TMEM135: variants seen among roughly 807,000 people sequenced by gnomAD.
TMEM135 encodes the protein transmembrane protein 135, also known as peroxisomal membrane protein 52.
TMEM135 carries 30 observed loss-of-function variants against 60.3 expected under a neutral mutation model. The ratio of observed to expected loss-of-function variants is 0.50; its 90% CI spans 0.37 to 0.68. The LOEUF (loss-of-function observed/expected upper bound fraction) is 0.68, where lower values mean the gene tolerates loss of function less well. Among genes scored for constraint, TMEM135 ranks in the 30% least tolerant of loss-of-function variants. The pLI is 0.00. For missense variants in TMEM135, 468 were observed against 548.8 expected (o/e 0.85, Z 1.47); for synonymous variants, 190 against 186.7 (o/e 1.02, Z -0.14).
At chr11:87,241,244 G>C (rs1305615529) in intron 6 of TMEM135, among the ~76,000 whole-genome samples, 1 of 151,998 alleles carries the variant, frequency 6.6e-6, no homozygotes, top group African/African-American at 2.4e-5. Flanking sequence ...GTATATTAGA[G>C]ATAACTTTAG....
At chr11:87,142,873 C>G (rs529903665) in intron 4 of TMEM135, among the ~76,000 whole-genome samples, 1 of 151,616 alleles carries the variant, frequency 6.6e-6, no homozygotes, top group Non-Finnish European at 1.5e-5. Context: ...CTTCAACATT[C>G]AGAAGGTTTT....
chr11:87,254,967 C>T (rs1031090172), intron 6 of TMEM135, among the ~76,000 whole-genome samples: 4 of 152,124 alleles, frequency 2.6e-5, no homozygotes, highest in Non-Finnish European at 4.4e-5. Flanking sequence ...TAGGGAGACC[C>T]CATCCCTACA....
chr11:87,093,614 A>C (rs1857258583), intron 4 of TMEM135, among the ~76,000 whole-genome samples: 1 of 151,926 alleles, frequency 6.6e-6, no homozygotes, highest in East Asian at 1.9e-4. Context: ...CACTGCAACC[A>C]CTGCCTCCTG....
intron 5 of TMEM135, among the ~76,000 whole-genome samples, chr11:87,201,904 A>AAC (rs1161039938): frequency 6.6e-6 from 1 of 152,228 alleles, no homozygotes; most frequent in South Asian, 2.1e-4. Flanking sequence ...TAAAGATTTA[A>AAC]ACACACACAC....
At chr11:87,222,803 C>CAA (rs1387946312) in intron 5 of TMEM135, among the ~76,000 whole-genome samples, 1 of 143,180 alleles carries the variant, frequency 7.0e-6, no homozygotes, top group African/African-American at 2.6e-5. Context: ...GAAACTGTCT[C>CAA]AAAAAAAAAG....
intron 4 of TMEM135, among the ~76,000 whole-genome samples, chr11:87,105,558 G>A (rs1042261213): frequency 7.9e-5 from 12 of 152,140 alleles, no homozygotes; most frequent in South Asian, 4.2e-4. Flanking sequence ...AACCATCCTC[G>A]CCTCCCAGGG....
chr11:87,295,967 T>A lies in TMEM135; in HGVS notation c.551+144T>A, dbSNP rs532393850. The A allele has an allele frequency of 1.8e-4, 120 of 668,652 alleles. 1 individual carries two copies. The South Asian group carries it at 2.3e-3, about 13-fold the overall frequency. 41.4% of individuals were successfully genotyped at this position (668,652 alleles called of 1,614,324 possible). A position where few individuals can be genotyped will look rare whatever the true frequency, so the allele number is the denominator to read the frequency against. ...ACAAAAGTATTTCCAAGCCTGCGGA[T>A]AAATAGCTCATTGAAAGAGTAATTT... is the stretch of plus-strand genomic sequence containing the variant. On this transcript the variant is annotated intron_variant, in intron 7 of 14. Transcript: ENST00000305494.
chr11:87,069,316 A>G (rs1012420307), intron 2 of TMEM135, among the ~76,000 whole-genome samples: 2 of 151,142 alleles, frequency 1.3e-5, no homozygotes, highest in South Asian at 2.1e-4. Flanking sequence ...AAAGAAGAAG[A>G]AAGTTTCTAT....
intron 4 of TMEM135, among the ~76,000 whole-genome samples, chr11:87,105,212 C>T (rs940228439): frequency 1.3e-5 from 2 of 152,184 alleles, no homozygotes; most frequent in African/African-American, 2.4e-5. Context: ...CAGGGGTCCC[C>T]AAACCCTGGG....
At chr11:87,247,139 T>C (rs1464884198) in intron 6 of TMEM135, among the ~76,000 whole-genome samples, 3 of 151,270 alleles carry the variant, frequency 2.0e-5, no homozygotes, top group Non-Finnish European at 4.4e-5. Context: ...TTTGCCTGGG[T>C]ACCAGCAGCC....
chr11:87,237,893 C>T (rs578239678), intron 6 of TMEM135, among the ~76,000 whole-genome samples: 167 of 151,908 alleles, frequency 1.1e-3, no homozygotes, highest in Non-Finnish European at 1.9e-3. Flanking sequence ...TTTTTAGATC[C>T]CACAAATAAG....
intron 4 of TMEM135, among the ~76,000 whole-genome samples, chr11:87,152,465 A>AT (rs1422975304): frequency 6.6e-6 from 1 of 151,934 alleles, no homozygotes; most frequent in East Asian, 1.9e-4. Flanking sequence ...ATGTTACTTT[A>AT]TTTTTTGAGA....
intron 6 of TMEM135, among the ~76,000 whole-genome samples, chr11:87,289,722 C>T (rs1177993844): frequency 2.6e-5 from 4 of 152,128 alleles, no homozygotes; most frequent in Non-Finnish European, 5.9e-5. Context: ...TCCCAAAGTG[C>T]TGGGATTACA....
At chr11:87,114,469 A>T (rs1488051866) in intron 4 of TMEM135, among the ~76,000 whole-genome samples, 1 of 152,164 alleles carries the variant, frequency 6.6e-6, no homozygotes, top group African/African-American at 2.4e-5. Context: ...CTGTATAGGA[A>T]GGTGATAGTC....
chr11:87,106,111 T>C (rs1405750766), intron 4 of TMEM135, among the ~76,000 whole-genome samples: 2 of 125,978 alleles, frequency 1.6e-5, no homozygotes, highest in Non-Finnish European at 3.6e-5. Flanking sequence ...ATTTCTTTCT[T>C]TTTTTTTTTT....
intron 6 of TMEM135, among the ~76,000 whole-genome samples, chr11:87,246,777 C>T (rs1484281912): frequency 2.4e-5 from 3 of 122,656 alleles, no homozygotes; most frequent in African/African-American, 9.4e-5. Flanking sequence ...AAGTTTTCAA[C>T]TTCTTTGCCT....
intron 5 of TMEM135, among the ~76,000 whole-genome samples, chr11:87,159,844 A>G (rs1266031811): frequency 2.6e-5 from 4 of 152,184 alleles, no homozygotes; most frequent in African/African-American, 7.2e-5. Flanking sequence ...TATAAGAACA[A>G]TGGTAGATAA....
intron 1 of TMEM135, among the ~76,000 whole-genome samples, chr11:87,060,931 C>T (rs1156807476): frequency 3.3e-5 from 5 of 152,140 alleles, no homozygotes; most frequent in South Asian, 4.2e-4. Flanking sequence ...TGTGAGCCAC[C>T]GCACCCGGCC....
intron 3 of TMEM135, among the ~76,000 whole-genome samples, chr11:87,086,766 C>G (rs1349128496): frequency 8.5e-5 from 13 of 152,154 alleles, no homozygotes. Context: ...GTATGCCAAA[C>G]AGGAAGGCAA....
Sources: gnomAD v4.1 joint callset for allele counts (sites outside exome capture counted in the v4.1 genomes callset) on GRCh38, gnomAD v4.1.1 for gene constraint, MANE v1.5 for transcripts, NCBI Gene and HGNC (gene_info 2026-07-23, HGNC 2026-07-21) for gene names.